The following SHOC2 variants were observed in gnomAD, a reference collection of about 807,000 sequenced individuals.
SHOC2 encodes the protein leucine-rich repeat protein SHOC-2.
In SHOC2, 4 loss-of-function variants were observed where a neutral mutation model predicts 50.2. The ratio of observed to expected loss-of-function variants is 0.08; its 90% CI spans 0.04 to 0.18. SHOC2 has a LOEUF of 0.18. Among genes scored for constraint, SHOC2 ranks in the 10% least tolerant of loss-of-function variants. SHOC2 has a pLI of 1.00. For missense variants in SHOC2, 388 were observed against 669.6 expected (o/e 0.58, Z 4.64); for synonymous variants, 218 against 244.5 (o/e 0.89, Z 1.01).
Position 110,962,682 on chromosome 10 carries a change from C to T in SHOC2, c.-234-1443C>T, listed in dbSNP as rs537695530. On this transcript the variant is annotated intron_variant, in intron 1 of 8. Transcript: ENST00000369452. ...GCAAAGTGACACATTTTCAGTGTCCCGTGCAAACTAAGCTCCACTCCCTAT... is the reference window on the plus strand; with the variant it reads ...GCAAAGTGACACATTTTCAGTGTCCTGTGCAAACTAAGCTCCACTCCCTAT... Among the ~76,000 whole-genome samples, 67 of 152,238 alleles carry T rather than the reference C, an allele frequency of 4.4e-4. 1 individual carries two copies. The highest frequency in any genetic ancestry group is 3.4e-3 in the Admixed American group (52 of 15,280).
chr10:110,956,283 G>A (rs547580547), intron 1 of SHOC2, among the ~76,000 whole-genome samples: 11 of 151,984 alleles, frequency 7.2e-5, no homozygotes, highest in South Asian at 2.1e-4. Context: ...CTGGAGTCTC[G>A]GCTCACTGCA....
chr10:111,009,653 A>G lies in SHOC2; in HGVS notation c.1423-60A>G. On this transcript the variant is annotated intron_variant, in intron 7 of 8. Coordinates refer to ENST00000369452, the MANE Select transcript of SHOC2 (RefSeq NM_007373.4). ...TTTATTGTTTAGACATATTATTTTCAGTTTACATTAAATGTAGGAAATATA... is the reference window on the plus strand; with the variant it reads ...TTTATTGTTTAGACATATTATTTTCGGTTTACATTAAATGTAGGAAATATA... 2.9e-6 allele frequency: 3 copies of G among 1,035,162 alleles called. No individual in the cohort carries two copies. The East Asian group carries it at 7.7e-5, about 27-fold the overall frequency. The allele number at this position is 1,035,162 out of a possible 1,614,324, so 64.1% of individuals were successfully genotyped here.
At chr10:111,006,374 G>T (rs545551515) in intron 5 of SHOC2, among the ~76,000 whole-genome samples, 26 of 152,062 alleles carry the variant, frequency 1.7e-4, no homozygotes, top group South Asian at 8.3e-4. Context: ...ATTTTTTTTT[G>T]TTGTTGTTGT....
intron 1 of SHOC2, among the ~76,000 whole-genome samples, chr10:110,924,704 T>G (rs1564699751): frequency 6.6e-6 from 1 of 152,146 alleles, no homozygotes; most frequent in Non-Finnish European, 1.5e-5. Flanking sequence ...CTATTTTAAT[T>G]AAATACAAGG....
At chr10:110,965,128 A>G in intron 2 of SHOC2, 67 bp downstream of exon 2, 2 of 1,351,212 alleles carry the variant, frequency 1.5e-6, no homozygotes, top group Non-Finnish European at 1.0e-6. Context: ...GTGCTTTCTC[A>G]TATCAAAAAA....
chr10:110,925,070 C>CAAAAAAAAA (rs763203844), intron 1 of SHOC2, among the ~76,000 whole-genome samples: 1 of 82,510 alleles, frequency 1.2e-5, no homozygotes, highest in Non-Finnish European at 2.3e-5. Flanking sequence ...GACTCTGTCT[C>CAAAAAAAAA]AAAAAAAAAA....
chr10:110,937,979 A>G (rs988056017), intron 1 of SHOC2, among the ~76,000 whole-genome samples: 4 of 152,280 alleles, frequency 2.6e-5, no homozygotes, highest in Non-Finnish European at 5.9e-5. Context: ...TCTTCTTTCA[A>G]CTGAATCTGA....
intron 2 of SHOC2, among the ~76,000 whole-genome samples, chr10:110,983,258 AT>A (rs1279302745): frequency 1.3e-5 from 2 of 151,702 alleles, no homozygotes; most frequent in Admixed American, 6.6e-5. Context: ...ATAAACATTG[AT>A]TTTTTTCCAC....
chr10:110,943,191 A>G (rs1847182974), intron 1 of SHOC2, among the ~76,000 whole-genome samples: 1 of 150,200 alleles, frequency 6.7e-6, no homozygotes, highest in Admixed American at 6.6e-5. Flanking sequence ...GACTCCCATT[A>G]TGAGTATGTT....
intron 1 of SHOC2, among the ~76,000 whole-genome samples, chr10:110,962,825 T>C (rs1359964243): frequency 6.6e-6 from 1 of 152,232 alleles, no homozygotes; most frequent in Non-Finnish European, 1.5e-5. Flanking sequence ...TGTATGCTTT[T>C]CTCAACCATT....
At chr10:110,940,910 G>GTTTTTTTTTTTTTTTTTTTTTTTTTTT in intron 1 of SHOC2, among the ~76,000 whole-genome samples, 1 of 119,484 alleles carries the variant, frequency 8.4e-6, no homozygotes, top group South Asian at 2.8e-4. Flanking sequence ...TTTGTGGTGG[G>GTTTTTTTTTTTTTTTTTTTTTTTTTTT]TTTTTTTTTT....
intron 1 of SHOC2, among the ~76,000 whole-genome samples, chr10:110,920,352 T>G (rs549986195): frequency 3.3e-5 from 5 of 152,104 alleles, no homozygotes; most frequent in African/African-American, 9.6e-5. Context: ...AGAGGAAAAG[T>G]AGTCTCACTC....
At position 110,999,600 on chromosome 10, in the gene SHOC2, G is replaced by A. The variant is rs187700852; in HGVS notation, c.842-815G>A. Among the ~76,000 whole-genome samples, 274 of 152,042 alleles carry A rather than the reference G, an allele frequency of 1.8e-3. 1 individual carries two copies. Among genetic ancestry groups the A allele is most frequent in the Non-Finnish European group, 1.9e-3 (130 of 67,968 alleles). On this transcript the variant is annotated intron_variant, in intron 3 of 8. Transcript: ENST00000369452. ...AAAAATACAAAAATTAGCTGGGTAT[G>A]GTGGTGGGCACCTGTAATCCCAGCT...
At chr10:110,984,959 TG>T (rs916504329) in intron 2 of SHOC2, among the ~76,000 whole-genome samples, 13 of 152,224 alleles carry the variant, frequency 8.5e-5, no homozygotes, top group African/African-American at 2.9e-4. Context: ...TAACCAACTT[TG>T]GCAACACAGT....
chr10:110,932,344 G>C (rs1177519809), intron 1 of SHOC2, among the ~76,000 whole-genome samples: 1 of 152,174 alleles, frequency 6.6e-6, no homozygotes, highest in Non-Finnish European at 1.5e-5. Context: ...AACCTGATTA[G>C]ATTTGAATGT....
intron 2 of SHOC2, among the ~76,000 whole-genome samples, chr10:110,979,009 A>T (rs1408228419): frequency 6.6e-6 from 1 of 152,216 alleles, no homozygotes; most frequent in East Asian, 1.9e-4. Context: ...AACAACAATC[A>T]TTTGTTATCT....
chr10:110,941,273 C>T (rs1046659723), intron 1 of SHOC2, among the ~76,000 whole-genome samples: 16 of 151,616 alleles, frequency 1.1e-4, no homozygotes, highest in Admixed American at 3.3e-4. Context: ...TCTCTTCTTC[C>T]GTGAAATGTC....
intron 1 of SHOC2, among the ~76,000 whole-genome samples, chr10:110,946,198 C>G (rs1244729654): frequency 6.6e-6 from 1 of 152,006 alleles, no homozygotes; most frequent in Non-Finnish European, 1.5e-5. Flanking sequence ...ATGGGAATGA[C>G]AATTCTATAC....
intron 1 of SHOC2, among the ~76,000 whole-genome samples, chr10:110,920,956 C>T (rs1366732152): frequency 6.6e-6 from 1 of 152,140 alleles, no homozygotes; most frequent in Non-Finnish European, 1.5e-5. Flanking sequence ...CTTTTTGTTA[C>T]GGTTTTCAGA....
Sources: allele counts gnomAD v4.1 joint callset (sites outside exome capture counted in the v4.1 genomes callset), GRCh38; gene constraint gnomAD v4.1.1; transcripts MANE v1.5; gene names NCBI Gene and HGNC (gene_info 2026-07-23, HGNC 2026-07-21).